Variants in SRP19 observed in about 807,000 individuals in gnomAD.
The protein encoded by SRP19 is signal recognition particle 19.
In SRP19, 11 loss-of-function variants were observed where a neutral mutation model predicts 22.4. The ratio of observed to expected loss-of-function variants is 0.49; its 90% CI spans 0.31 to 0.81. SRP19 has a LOEUF of 0.81. SRP19 is among the 40% of genes least tolerant of loss of function. The pLI is 0.05. For synonymous variants in SRP19, 61 were observed against 57.6 expected (o/e 1.06, Z -0.27); for missense variants, 168 against 175.9 (o/e 0.96, Z 0.25).
At position 112,868,297 on chromosome 5, in the gene SRP19, T is replaced by A. The variant is rs1178264692; in HGVS notation, c.*760T>A. The A allele has an allele frequency of 1.0e-6, 1 of 985,532 alleles. No homozygotes were observed. The highest frequency in any genetic ancestry group is 1.2e-6 in the Non-Finnish European group (1 of 830,082). 61.0% of individuals were successfully genotyped at this position (985,532 alleles called of 1,614,324 possible). A position where few individuals can be genotyped will look rare whatever the true frequency, so the allele number is the denominator to read the frequency against. On this transcript the variant is annotated 3_prime_UTR_variant, in exon 5 of 5. Transcript: ENST00000505459. ...AGAGCGGTTTCTGAAAGTAGTGATTTTGAGCTATCCCAATTCCTGTTCTTC... is the reference window on the plus strand; with the variant it reads ...AGAGCGGTTTCTGAAAGTAGTGATTATGAGCTATCCCAATTCCTGTTCTTC...
chr5:112,885,994 G>C (rs1021582045), intron 4 of SRP19, among the ~76,000 whole-genome samples: 1 of 152,228 alleles, frequency 6.6e-6, no homozygotes, highest in Non-Finnish European at 1.5e-5. Flanking sequence ...GTGACTGTGG[G>C]TATGAGGGCT....
chr5:112,883,389 A>G (rs1168503041), intron 4 of SRP19, among the ~76,000 whole-genome samples: 2 of 152,202 alleles, frequency 1.3e-5, no homozygotes, highest in Non-Finnish European at 2.9e-5. Flanking sequence ...ACAGCATGTA[A>G]CATGACAGAT....
Position 112,868,384 on chromosome 5 carries a change from C to A in SRP19, c.*847C>A. On this transcript the variant is annotated 3_prime_UTR_variant, in exon 5 of 5. Transcript: ENST00000505459. ...GCTATCTCATATTTTCAGTAAATTC[C>A]ATTTTTTTTAAGTTTGTTTGTTTGT... is the stretch of plus-strand genomic sequence containing the variant. 1 of 1,002,316 alleles carries A rather than the reference C, an allele frequency of 1.0e-6. No homozygotes were observed. Among genetic ancestry groups the A allele is most frequent in the Non-Finnish European group, 1.2e-6 (1 of 843,372 alleles). 62.1% of individuals were successfully genotyped at this position (1,002,316 alleles called of 1,614,324 possible).
At chr5:112,887,164 C>CTT in intron 4 of SRP19, 1 of 1,604,528 alleles carries the variant, frequency 6.2e-7, no homozygotes, top group Non-Finnish European at 8.5e-7. Context: ...CGGGGCCATG[C>CTT]ACCACAACAG....
rs1256767795 is a variant in SRP19 at position 112,862,640 on chromosome 5, C to T, written c.117+57C>T. ...AGGGAATGGGGGGTGTCATCCTGGT[C>T]GGGCCACGTAATCTTGTTAGAGCCG... On this transcript the variant is annotated intron_variant, in intron 2 of 4. Transcript: ENST00000505459. The T allele has an allele frequency of 7.3e-6, 11 of 1,498,726 alleles. No homozygotes were observed. In the East Asian group the frequency reaches 2.3e-4, roughly 31 times the overall value. 92.8% of individuals were successfully genotyped at this position (1,498,726 alleles called of 1,614,324 possible).
chr5:112,878,710 T>C, intron 4 of SRP19: 1 of 1,559,780 alleles, frequency 6.4e-7, no homozygotes, highest in Non-Finnish European at 8.7e-7. Flanking sequence ...AAAATAATTA[T>C]ACCACAGTCC....
At chr5:112,883,461 G>C (rs1404815867) in intron 4 of SRP19, among the ~76,000 whole-genome samples, 1 of 152,104 alleles carries the variant, frequency 6.6e-6, no homozygotes, top group Admixed American at 6.5e-5. Flanking sequence ...ACACGCTCAT[G>C]GTTTTCTTGC....
intron 4 of SRP19, among the ~76,000 whole-genome samples, chr5:112,876,145 G>A (rs1475896432): frequency 5.9e-5 from 9 of 151,956 alleles, no homozygotes; most frequent in South Asian, 2.1e-4. Context: ...CAGTGGATTC[G>A]GTTTCCTTTA....
At chr5:112,883,579 C>T (rs1768141165) in intron 4 of SRP19, among the ~76,000 whole-genome samples, 1 of 152,150 alleles carries the variant, frequency 6.6e-6, no homozygotes, top group Non-Finnish European at 1.5e-5. Flanking sequence ...CTCCTGTTTC[C>T]TAACTACACT....
intron 4 of SRP19, among the ~76,000 whole-genome samples, chr5:112,866,238 G>A (rs428181): frequency 6.6e-6 from 1 of 150,844 alleles, no homozygotes; most frequent in Admixed American, 6.6e-5. Flanking sequence ...TGCCTCAGCC[G>A]TCTGAGTAGC....
intron 4 of SRP19, among the ~76,000 whole-genome samples, chr5:112,874,973 A>G (rs536458197): frequency 7.9e-5 from 12 of 152,154 alleles, no homozygotes; most frequent in African/African-American, 2.9e-4. Flanking sequence ...ACAGGGTTTC[A>G]CCATGTTGGC....
intron 4 of SRP19, among the ~76,000 whole-genome samples, chr5:112,879,287 C>T (rs1244806014): frequency 1.4e-5 from 2 of 145,074 alleles, no homozygotes; most frequent in African/African-American, 5.2e-5. Flanking sequence ...TCCTCATTCC[C>T]AGCACTAGAA....
chr5:112,894,201 C>T (rs1768604870), downstream of SRP19: 1 of 150,544 alleles, frequency 6.6e-6, no homozygotes, highest in Admixed American at 6.7e-5. Context: ...CTCACTGCAA[C>T]CTCCGCCTCC....
At position 112,869,524 on chromosome 5, in the gene SRP19, C is replaced by T. The variant is rs1767708826; in HGVS notation, c.*1987C>T. 1 of 152,308 alleles carries T rather than the reference C, an allele frequency of 6.6e-6. No individual in the cohort carries two copies. Among genetic ancestry groups the T allele is most frequent in the South Asian group, 2.1e-4 (1 of 4,836 alleles). 9.4% of individuals were successfully genotyped at this position (152,308 alleles called of 1,614,324 possible). Reference sequence around the variant, plus strand: ...ACATTCCAAGAGTGGATCCCTGAAACAGCAGATAGTACTGAACCCTATATA... The same window carrying T: ...ACATTCCAAGAGTGGATCCCTGAAATAGCAGATAGTACTGAACCCTATATA... On this transcript the variant is annotated 3_prime_UTR_variant, in exon 5 of 5. Coordinates refer to ENST00000505459, the MANE Select transcript of SRP19 (RefSeq NM_003135.3).
rs1030797350 is a variant in SRP19 at position 112,861,368 on chromosome 5, C to G, written c.-9C>G. On this transcript the variant is annotated 5_prime_UTR_variant, in exon 1 of 5. Transcript: ENST00000505459. ...CTGCGGCTCCTGGGTTGTTGAGACT[C>G]TTGTGAAGATGGCTTGCGCTGCCGC... 5.6e-6 allele frequency: 9 copies of G among 1,614,076 alleles called. No individual in the cohort carries two copies. The highest frequency in any genetic ancestry group is 1.3e-5 in the African/African-American group (1 of 74,944).
exon 5 of SRP19, chr5:112,891,617 A>AG (rs1768451143): frequency 1.3e-6 from 2 of 1,581,380 alleles, no homozygotes; most frequent in Middle Eastern, 1.7e-4. Context: ...AGAATGTCTG[A>AG]GGGGTCAGGC....
chr5:112,887,153 T>G (rs1421115771), intron 4 of SRP19: 2 of 1,608,742 alleles, frequency 1.2e-6, no homozygotes, highest in Admixed American at 3.3e-5. Flanking sequence ...TTAGAAGGGC[T>G]CGGGGCCATG....
rs532285608 is a variant in SRP19 at position 112,880,186 on chromosome 5, G to A, written c.302-11417G>A. 3.0e-3 allele frequency among the ~76,000 whole-genome samples: 458 copies of A among 152,096 alleles called. 4 individuals are homozygous for A. The highest frequency in any genetic ancestry group is 0.011 in the African/African-American group (446 of 41,468). ...AGAGCTTTGAGAGGCTGAGGTAGGAGTATTCCTTGAAGCCAGGAGTTTGAG... is the reference window on the plus strand; with the variant it reads ...AGAGCTTTGAGAGGCTGAGGTAGGAATATTCCTTGAAGCCAGGAGTTTGAG... On this transcript the variant is annotated intron_variant, in intron 4 of 4. Coordinates refer to the SRP19 transcript ENST00000391338.
chr5:112,867,436 A>G lies in SRP19; in HGVS notation c.334A>G (p.Ile112Val), dbSNP rs374378160. 87 of 1,614,080 alleles carry G rather than the reference A, an allele frequency of 5.4e-5. No individual in the cohort carries two copies. The highest frequency in any genetic ancestry group is 2.1e-4 in the South Asian group (19 of 91,082). The change falls in exon 5 of 5, where the codon ATA becomes GTA. Residue 112 changes from isoleucine (I) to valine (V), a missense_variant. Ile to Val is a conservative substitution (Grantham distance 29). Transcript: ENST00000505459. ...AGTAATGTTGTATGCAGCAGAAATGATACCTAAACTAAAAACAAGGACACA... is the reference window on the plus strand; with the variant it reads ...AGTAATGTTGTATGCAGCAGAAATGGTACCTAAACTAAAAACAAGGACACA... ...KSVMLYAAEM[I>V]PKLKTRTQKT...
Sources: gnomAD v4.1 joint callset for allele counts (sites outside exome capture counted in the v4.1 genomes callset) on GRCh38, gnomAD v4.1.1 for gene constraint, MANE v1.5 for transcripts, NCBI Gene and HGNC (gene_info 2026-07-23, HGNC 2026-07-21) for gene names.